RHOA: variants seen among roughly 807,000 people sequenced by gnomAD.
RHOA encodes ras homolog family member A.
Under a neutral mutation model 17.5 loss-of-function variants are expected in RHOA, and 3 were observed. The observed-to-expected ratio is 0.17, with a 90% CI of 0.08 to 0.44. The LOEUF (loss-of-function observed/expected upper bound fraction) is 0.44. Ranked by LOEUF, RHOA falls within the 20% of genes least tolerant of loss-of-function variation. The pLI, the probability that RHOA is intolerant of heterozygous loss-of-function variation, is 0.99. For missense variants in RHOA, 56 were observed against 242.3 expected (o/e 0.23, Z 5.10); for synonymous variants, 98 against 88.4 (o/e 1.11, Z -0.61).
chr3:49,366,058 A>T (rs531049113), intron 3 of RHOA, among the ~76,000 whole-genome samples: 1 of 152,306 alleles, frequency 6.6e-6, no homozygotes, highest in Non-Finnish European at 1.5e-5. Flanking sequence ...CTGTCTCAAA[A>T]AGAAAAAAGT....
intron 1 of RHOA, among the ~76,000 whole-genome samples, chr3:49,388,241 AAACTCCTGGGCTCAGTGATG>A (rs2048433893): frequency 6.6e-6 from 1 of 151,944 alleles, no homozygotes; most frequent in Non-Finnish European, 1.5e-5. Context: ...GGCTGGTCTC[AAACTCCTGGGCTCAGTGATG>A]AACTCCTGGG....
At position 49,368,522 on chromosome 3, in the gene RHOA, A is replaced by G. The variant is rs776532559; in HGVS notation, c.183T>C (p.Ala61=). The G allele has an allele frequency of 5.0e-6, 8 of 1,613,994 alleles. No individual in the cohort carries two copies. In the South Asian group the frequency reaches 8.8e-5, roughly 18 times the overall value. The stretch of plus-strand genomic sequence containing the variant: ...TCAGGCGATCATAATCTTCCTGCCC[A>G]GCTGTGTCCCACAAAGCCAACTCTA... The part of the protein sequence containing the change: ...KQVELALWDT[A]GQEDYDRLRP... Residue 61 remains alanine (A), a synonymous_variant, in exon 3 of 5, where the codon GCT becomes GCC. Coordinates refer to ENST00000418115, the MANE Select transcript of RHOA (RefSeq NM_001664.4).
At chr3:49,400,105 G>C (rs984960570) in intron 1 of RHOA, among the ~76,000 whole-genome samples, 1 of 151,678 alleles carries the variant, frequency 6.6e-6, no homozygotes, top group African/African-American at 2.4e-5. Context: ...CCAGCTACTC[G>C]GGAGGCTGAG....
chr3:49,393,069 G>A (rs1338774462), intron 1 of RHOA, among the ~76,000 whole-genome samples: 3 of 152,036 alleles, frequency 2.0e-5, no homozygotes, highest in African/African-American at 7.2e-5. Flanking sequence ...CCAGCTACCT[G>A]AGAGGCTGAG....
intron 1 of RHOA, among the ~76,000 whole-genome samples, chr3:49,387,561 G>C (rs947982251): frequency 6.6e-6 from 1 of 151,348 alleles, no homozygotes; most frequent in Non-Finnish European, 1.5e-5. Flanking sequence ...GGCTAACACG[G>C]TGAAACCCCG....
chr3:49,359,564 G>A lies in RHOA; in HGVS notation c.*645C>T, dbSNP rs1354416765. The A allele has an allele frequency of 9.8e-6, 2 of 204,954 alleles. No individual in the cohort carries two copies. Among genetic ancestry groups the A allele is most frequent in the East Asian group, 7.6e-5 (1 of 13,128 alleles). 12.7% of individuals were successfully genotyped at this position (204,954 alleles called of 1,614,324 possible). ...TAAAAAACCAATACACTTTCTTTGA[G>A]GATGACAGTATTAGGAAATCCAATT... On this transcript the variant is annotated 3_prime_UTR_variant, in exon 5 of 5. Transcript: ENST00000418115.
chr3:49,410,074 T>C (rs1056211015), intron 1 of RHOA, among the ~76,000 whole-genome samples: 1 of 152,154 alleles, frequency 6.6e-6, no homozygotes, highest in African/African-American at 2.4e-5. Flanking sequence ...TGTAAGCTAA[T>C]GAACCGAAAT....
intron 1 of RHOA, among the ~76,000 whole-genome samples, chr3:49,386,216 CT>C (rs1322787802): frequency 6.8e-6 from 1 of 146,236 alleles, no homozygotes; most frequent in Non-Finnish European, 1.5e-5. Context: ...ACATGGACGC[CT>C]TTCCATTTAT....
At chr3:49,381,355 A>T (rs557619853) in intron 1 of RHOA, among the ~76,000 whole-genome samples, 31 of 151,574 alleles carry the variant, frequency 2.0e-4, no homozygotes, top group African/African-American at 7.3e-4. Context: ...CAGTAAGCCG[A>T]TATCTCGCCA....
At chr3:49,382,801 CTGCAATCCCAGTACTTTG>C in intron 1 of RHOA, among the ~76,000 whole-genome samples, 1 of 152,140 alleles carries the variant, frequency 6.6e-6, no homozygotes, top group Non-Finnish European at 1.5e-5. Flanking sequence ...GGGTTCATGC[CTGCAATCCCAGTACTTTG>C]AGAGGTGGGT....
At chr3:49,387,752 AC>A (rs2048425655) in intron 1 of RHOA, among the ~76,000 whole-genome samples, 2 of 134,636 alleles carry the variant, frequency 1.5e-5, no homozygotes, top group Non-Finnish European at 1.7e-5. Flanking sequence ...AAAAAAAAAA[AC>A]AAAAAAAAAA....
intron 4 of RHOA, 148 bp downstream of exon 4, chr3:49,362,348 C>A: frequency 1.4e-6 from 1 of 713,596 alleles, no homozygotes; most frequent in Non-Finnish European, 2.2e-6. Context: ...TGTGAAGATC[C>A]CAATTAATGA....
chr3:49,403,470 T>A (rs956564907), intron 1 of RHOA, among the ~76,000 whole-genome samples: 7 of 152,150 alleles, frequency 4.6e-5, no homozygotes, highest in Non-Finnish European at 7.4e-5. Context: ...ATCCCAGGGC[T>A]TTGTGAGGTT....
At chr3:49,368,720 T>C in intron 2 of RHOA, among the ~76,000 whole-genome samples, 172 bp from the exon 3 acceptor site, 1 of 147,756 alleles carries the variant, frequency 6.8e-6, no homozygotes, top group Admixed American at 6.7e-5. Context: ...TTTTTTTTTT[T>C]TTTTTGAGAT....
At chr3:49,394,263 C>A (rs548555305) in intron 1 of RHOA, among the ~76,000 whole-genome samples, 4 of 152,256 alleles carry the variant, frequency 2.6e-5, no homozygotes, top group African/African-American at 9.6e-5. Context: ...CTCAGCCTCC[C>A]GAAGTGCTAG....
chr3:49,367,671 G>A (rs1467838265), intron 3 of RHOA, among the ~76,000 whole-genome samples: 4 of 151,086 alleles, frequency 2.6e-5, no homozygotes, highest in African/African-American at 7.3e-5. Flanking sequence ...ACAAGTGCAC[G>A]CCACCACACC....
At chr3:49,398,614 G>A (rs1407714195) in intron 1 of RHOA, among the ~76,000 whole-genome samples, 3 of 151,102 alleles carry the variant, frequency 2.0e-5, no homozygotes, top group African/African-American at 7.3e-5. Flanking sequence ...ACGAGGTCAG[G>A]AGATCGAGAC....
At chr3:49,374,774 A>C (rs535841907) in intron 2 of RHOA, among the ~76,000 whole-genome samples, 1 of 152,280 alleles carries the variant, frequency 6.6e-6, no homozygotes, top group Admixed American at 6.5e-5. Context: ...CACCATGTCA[A>C]ATACATATGA....
intron 2 of RHOA, among the ~76,000 whole-genome samples, chr3:49,372,348 T>A (rs1465843449): frequency 6.6e-6 from 1 of 152,200 alleles, no homozygotes; most frequent in East Asian, 1.9e-4. Context: ...TGGTATTTGT[T>A]GTATTTTTTC....
Sources: gnomAD v4.1 joint callset for allele counts (sites outside exome capture counted in the v4.1 genomes callset) on GRCh38, gnomAD v4.1.1 for gene constraint, MANE v1.5 for transcripts, NCBI Gene and HGNC (gene_info 2026-07-23, HGNC 2026-07-21) for gene names.